GSTCD: variants seen among roughly 807,000 people sequenced by gnomAD.
GSTCD encodes the protein glutathione S-transferase C-terminal domain containing.
Under a neutral mutation model 68.3 loss-of-function variants are expected in GSTCD, and 44 were observed. The ratio of observed to expected loss-of-function variants is 0.64; its 90% CI spans 0.51 to 0.83. The LOEUF is 0.83. Ranked by LOEUF, GSTCD falls within the 40% of genes least tolerant of loss-of-function variation. The pLI is 0.00. For missense variants in GSTCD, 739 were observed against 735.9 expected (o/e 1.00, Z -0.05); for synonymous variants, 273 against 255.2 (o/e 1.07, Z -0.67).
chr4:105,806,258 G>A (rs1722492663), intron 5 of GSTCD, among the ~76,000 whole-genome samples: 1 of 152,114 alleles, frequency 6.6e-6, no homozygotes. Context: ...ATAGGTATCT[G>A]ACTGTGGAGA....
chr4:105,737,720 C>G (rs1000217850), intron 5 of GSTCD, among the ~76,000 whole-genome samples: 1 of 152,188 alleles, frequency 6.6e-6, no homozygotes, highest in Non-Finnish European at 1.5e-5. Context: ...ATTGAAGAGA[C>G]TGTCCTTTCC....
chr4:105,740,184 C>G (rs2149219058), intron 5 of GSTCD, among the ~76,000 whole-genome samples: 1 of 152,126 alleles, frequency 6.6e-6, no homozygotes, highest in South Asian at 2.1e-4. Context: ...AGTGTCAGCT[C>G]CTTCTCTGTG....
chr4:105,792,028 C>T (rs1196689030), intron 5 of GSTCD, among the ~76,000 whole-genome samples: 1 of 152,042 alleles, frequency 6.6e-6, no homozygotes, highest in African/African-American at 2.4e-5. Flanking sequence ...CAGTTACTTA[C>T]AAATGTAATA....
chr4:105,840,232 A>T, intron 10 of GSTCD: 1 of 455,172 alleles, frequency 2.2e-6, no homozygotes, highest in South Asian at 1.6e-5. Context: ...ATATAAAATG[A>T]ATCTTAATTT....
In GSTCD at chr4:105,833,159, A is replaced by T. The variant is rs533061479; in HGVS notation, c.1531-1302A>T. Among the ~76,000 whole-genome samples, 4 of 152,276 alleles carry T rather than the reference A, an allele frequency of 2.6e-5. No individual in the cohort carries two copies. The East Asian group carries it at 7.7e-4, about 29-fold the overall frequency. On this transcript the variant is annotated intron_variant, in intron 8 of 11. Transcript: ENST00000515279. The stretch of plus-strand genomic sequence containing the variant: ...TTTAGCTTTCCAGTTCAAAGGGGGC[A>T]TCTGGTTTATAATATTTTACTTTCG...
Position 105,735,079 on chromosome 4 carries a change from A to G in GSTCD, c.1240+5580A>G, listed in dbSNP as rs139545031. ...GGGGTACCCGGCCGTGTTAGGTGTCATTCTGCCCCTACTGGGGAGTGCCTC... is the reference window on the plus strand; with the variant it reads ...GGGGTACCCGGCCGTGTTAGGTGTCGTTCTGCCCCTACTGGGGAGTGCCTC... On this transcript the variant is annotated intron_variant, in intron 5 of 11. Coordinates refer to ENST00000515279, the MANE Select transcript of GSTCD (RefSeq NM_001370181.1). Among the ~76,000 whole-genome samples, 1,288 of 152,258 alleles carry G rather than the reference A, an allele frequency of 8.5e-3. 20 individuals are homozygous for G. Among genetic ancestry groups the G allele is most frequent in the African/African-American group, 0.029 (1,214 of 41,548 alleles).
chr4:105,770,528 C>G (rs1314097809), intron 5 of GSTCD, among the ~76,000 whole-genome samples: 1 of 152,086 alleles, frequency 6.6e-6, no homozygotes, highest in Non-Finnish European at 1.5e-5. Flanking sequence ...CTCTATTCCC[C>G]CAAACTCTAA....
intron 5 of GSTCD, among the ~76,000 whole-genome samples, chr4:105,729,842 C>A (rs979332145): frequency 1.3e-5 from 2 of 152,110 alleles, no homozygotes; most frequent in Non-Finnish European, 2.9e-5. Context: ...GTGCTGCACC[C>A]ATTAACTCAT....
chr4:105,845,406 A>G (rs1405927257), intron 11 of GSTCD, 35 bp from the exon 12 acceptor site: 1 of 1,612,870 alleles, frequency 6.2e-7, no homozygotes, highest in Admixed American at 1.7e-5. Context: ...TGCTAGTGAA[A>G]GGGTGTCTCA....
chr4:105,813,991 T>G (rs531327281), intron 5 of GSTCD, among the ~76,000 whole-genome samples: 76 of 152,248 alleles, frequency 5.0e-4, no homozygotes, highest in African/African-American at 1.8e-3. Flanking sequence ...ATATAATAAG[T>G]GCTTTAAAAA....
At chr4:105,728,960 G>C (rs1733135821) in intron 4 of GSTCD, among the ~76,000 whole-genome samples, 1 of 152,126 alleles carries the variant, frequency 6.6e-6, no homozygotes, top group Admixed American at 6.6e-5. Flanking sequence ...TGGTATTTTG[G>C]GGTATGTGTT....
At chr4:105,771,177 A>C (rs1734832176) in intron 5 of GSTCD, among the ~76,000 whole-genome samples, 1 of 151,906 alleles carries the variant, frequency 6.6e-6, no homozygotes, top group Non-Finnish European at 1.5e-5. Flanking sequence ...TCTTCTTTTG[A>C]GAACTGTCCG....
intron 5 of GSTCD, among the ~76,000 whole-genome samples, chr4:105,781,830 G>A (rs1176227363): frequency 2.0e-5 from 3 of 149,480 alleles, no homozygotes; most frequent in Non-Finnish European, 4.4e-5. Context: ...AAGATAATGC[G>A]GGTTTGGATG....
intron 8 of GSTCD, among the ~76,000 whole-genome samples, chr4:105,833,117 G>A (rs1417283279): frequency 6.6e-6 from 1 of 152,146 alleles, no homozygotes; most frequent in Admixed American, 6.6e-5. Flanking sequence ...TCCTGATAGA[G>A]TATTGTTTGT....
chr4:105,815,991 G>A (rs1456904546), intron 5 of GSTCD, among the ~76,000 whole-genome samples: 3 of 152,028 alleles, frequency 2.0e-5, no homozygotes, highest in South Asian at 4.2e-4. Context: ...TCTGGTATTC[G>A]GAAATTAAAT....
intron 5 of GSTCD, among the ~76,000 whole-genome samples, chr4:105,773,342 T>TC (rs755860267): frequency 6.0e-4 from 91 of 152,276 alleles, no homozygotes; most frequent in Admixed American, 2.5e-3. Flanking sequence ...GAAGGGTTTT[T>TC]CATGTCTCTG....
rs568813221 is a variant in GSTCD at position 105,794,970 on chromosome 4, G to T, written c.1241-27984G>T. Among the ~76,000 whole-genome samples, 90 of 151,778 alleles carry T rather than the reference G, an allele frequency of 5.9e-4. 3 individuals are homozygous for T. In the South Asian group the frequency reaches 0.018, roughly 31 times the overall value. ...GCTCACTGCAACCTCCGCCTCCCGG[G>T]TTCAAGTGATTTTCCTGCCTCAGCC... On this transcript the variant is annotated intron_variant, in intron 5 of 11. Coordinates refer to ENST00000515279, the MANE Select transcript of GSTCD (RefSeq NM_001370181.1).
chr4:105,830,014 A>T (rs527721718), intron 8 of GSTCD, among the ~76,000 whole-genome samples: 1 of 152,292 alleles, frequency 6.6e-6, no homozygotes, highest in South Asian at 2.1e-4. Flanking sequence ...AAATTTTTTA[A>T]ATTAGAGATT....
intron 8 of GSTCD, among the ~76,000 whole-genome samples, chr4:105,827,790 TA>T (rs1416526553): frequency 1.3e-5 from 2 of 152,138 alleles, no homozygotes; most frequent in African/African-American, 4.8e-5. Context: ...GTAAATGCTT[TA>T]TTTTTTTCAT....
Sources: gnomAD v4.1 joint callset for allele counts (sites outside exome capture counted in the v4.1 genomes callset) on GRCh38, gnomAD v4.1.1 for gene constraint, MANE v1.5 for transcripts, NCBI Gene and HGNC (gene_info 2026-07-23, HGNC 2026-07-21) for gene names.